The following IL1RAPL1 variants were observed in gnomAD, a reference collection of about 807,000 sequenced individuals.
IL1RAPL1 encodes interleukin-1 receptor accessory protein-like 1.
Under a neutral mutation model 48.4 loss-of-function variants are expected in IL1RAPL1, and 3 were observed. That is an observed-to-expected ratio of 0.06 (90% CI 0.03 to 0.16). The LOEUF is 0.16. Ranked by LOEUF, IL1RAPL1 falls within the 10% of genes least tolerant of loss-of-function variation. The pLI, the probability that IL1RAPL1 is intolerant of heterozygous loss-of-function variation, is 1.00. For missense variants in IL1RAPL1, 349 were observed against 530.6 expected (o/e 0.66, Z 3.36); for synonymous variants, 185 against 187.7 (o/e 0.99, Z 0.12).
chrX:29,434,429 C>T (rs1421557283), intron 5 of IL1RAPL1, among the ~76,000 whole-genome samples: 1 of 110,346 alleles, frequency 9.1e-6, no homozygotes, highest in Non-Finnish European at 1.9e-5. Flanking sequence ...TTAATATGAT[C>T]ATTGCTCTCG....
chrX:29,124,207 T>G (rs897879228), intron 2 of IL1RAPL1, among the ~76,000 whole-genome samples: 1 of 112,013 alleles, frequency 8.9e-6, no homozygotes, highest in Non-Finnish European at 1.9e-5. Context: ...AATGCTTGAG[T>G]CAATCCTTGG....
intron 3 of IL1RAPL1, among the ~76,000 whole-genome samples, chrX:29,350,191 T>TTATATATGTATATATATA (rs1203248525): frequency 7.6e-5 from 3 of 39,424 alleles, no homozygotes; most frequent in African/African-American, 5.2e-4. Context: ...TACTGTTATT[T>TTATATATGTATATATATA]TATATATATA....
chrX:28,617,700 G>C (rs1483459546), intron 1 of IL1RAPL1, among the ~76,000 whole-genome samples: 2 of 112,231 alleles, frequency 1.8e-5, no homozygotes, highest in Non-Finnish European at 3.8e-5. Flanking sequence ...AATGATTATA[G>C]GCACAGCCTT....
chrX:28,761,540 T>C (rs773436164), intron 1 of IL1RAPL1, among the ~76,000 whole-genome samples: 1 of 111,309 alleles, frequency 9.0e-6, no homozygotes, highest in South Asian at 3.8e-4. Flanking sequence ...AGCAAAACGT[T>C]GTGTATTTAT....
At chrX:28,851,810 G>T (rs941372660) in intron 2 of IL1RAPL1, among the ~76,000 whole-genome samples, 1 of 111,976 alleles carries the variant, frequency 8.9e-6, no homozygotes, top group African/African-American at 3.2e-5. Context: ...TCAACATATT[G>T]CTTTGTACTT....
intron 5 of IL1RAPL1, among the ~76,000 whole-genome samples, chrX:29,412,256 A>G (rs1443804762): frequency 9.1e-6 from 1 of 109,391 alleles, no homozygotes; most frequent in Non-Finnish European, 1.9e-5. Context: ...GGGCAACAGA[A>G]CAAGACTCCA....
intron 2 of IL1RAPL1, among the ~76,000 whole-genome samples, chrX:29,049,653 C>G (rs1927050096): frequency 8.9e-6 from 1 of 112,406 alleles, no homozygotes; most frequent in African/African-American, 3.2e-5. Flanking sequence ...CATAGTACTT[C>G]TGCTACTGAT....
intron 6 of IL1RAPL1, among the ~76,000 whole-genome samples, chrX:29,786,593 G>T (rs1448589004): frequency 9.0e-6 from 1 of 111,693 alleles, no homozygotes; most frequent in Non-Finnish European, 1.9e-5. Context: ...GCCTTAAAAA[G>T]ATCTCTTTTG....
At position 29,941,682 on chromosome X, in the gene IL1RAPL1, C is replaced by A. The variant is rs201215945; in HGVS notation, c.1089C>A (p.Gly363=). The A allele has an allele frequency of 1.7e-6, 2 of 1,209,806 alleles. No homozygotes were observed. The highest frequency in any genetic ancestry group is 1.8e-5 in the South Asian group (1 of 56,946). The change falls in exon 9 of 11, where the codon GGC becomes GGA. Residue 363 remains glycine (G), a synonymous_variant. Transcript: ENST00000378993. ...ELMYTVELAG[G]LGAILLLLVC... ...TGTACACAGTGGAACTTGCTGGAGGCCTTGGTGCTATACTCTTGCTGCTTG... is the reference window on the plus strand; with the variant it reads ...TGTACACAGTGGAACTTGCTGGAGGACTTGGTGCTATACTCTTGCTGCTTG...
chrX:29,428,037 A>G lies in IL1RAPL1; in HGVS notation c.703+28729A>G, dbSNP rs747148762. ...GTTAGCTTGTGAGTTTAGAAGCACA[A>G]TGGAGTCACCTATGTTAGATTTATT... On this transcript the variant is annotated intron_variant, in intron 5 of 10. Transcript: ENST00000378993. Among the ~76,000 whole-genome samples, 4 of 112,326 alleles carry G rather than the reference A, an allele frequency of 3.6e-5. No individual in the cohort carries two copies. The South Asian group carries it at 1.5e-3, about 42-fold the overall frequency.
At chrX:29,560,739 CT>C (rs1328494068) in intron 5 of IL1RAPL1, among the ~76,000 whole-genome samples, 1 of 111,671 alleles carries the variant, frequency 9.0e-6, no homozygotes, top group Admixed American at 9.5e-5. Context: ...ATTCATTGAA[CT>C]TTTTTTGTGA....
chrX:28,704,411 AAAACACAC>A (rs1245970256), intron 1 of IL1RAPL1, among the ~76,000 whole-genome samples: 9 of 81,273 alleles, frequency 1.1e-4, no homozygotes, highest in Non-Finnish European at 1.6e-4. Flanking sequence ...TAATTCATTT[AAAACACAC>A]AAACACACAC....
chrX:29,005,014 C>T (rs1161722858), intron 2 of IL1RAPL1, among the ~76,000 whole-genome samples: 1 of 111,727 alleles, frequency 9.0e-6, no homozygotes, highest in African/African-American at 3.3e-5. Flanking sequence ...AAGGGTATAG[C>T]AAATAGAGCT....
chrX:29,811,816 A>G (rs1930386704), intron 6 of IL1RAPL1, among the ~76,000 whole-genome samples: 1 of 112,295 alleles, frequency 8.9e-6, no homozygotes, highest in Non-Finnish European at 1.9e-5. Context: ...AACATTGGAC[A>G]CATAGATAAC....
At chrX:28,615,214 T>TTTTTTG in intron 1 of IL1RAPL1, among the ~76,000 whole-genome samples, 1 of 58,963 alleles carries the variant, frequency 1.7e-5, no homozygotes, top group South Asian at 8.6e-4. Flanking sequence ...TTTTTTTTTT[T>TTTTTTG]TTTTTTTTTT....
At chrX:28,721,243 T>A (rs1211628596) in intron 1 of IL1RAPL1, among the ~76,000 whole-genome samples, 3 of 111,989 alleles carry the variant, frequency 2.7e-5, no homozygotes, top group South Asian at 3.7e-4. Flanking sequence ...CTCCACATCC[T>A]CTCCAGCACC....
intron 1 of IL1RAPL1, among the ~76,000 whole-genome samples, chrX:28,757,901 T>A (rs997049120): frequency 8.9e-6 from 1 of 112,155 alleles, no homozygotes; most frequent in Non-Finnish European, 1.9e-5. Flanking sequence ...ACAACCCATT[T>A]ACTTTTCACT....
intron 5 of IL1RAPL1, among the ~76,000 whole-genome samples, chrX:29,654,823 T>C (rs1925625529): frequency 1.8e-5 from 2 of 112,387 alleles, no homozygotes; most frequent in Admixed American, 1.9e-4. Flanking sequence ...TCCTATATTT[T>C]ATGCAAATAC....
At chrX:29,697,891 G>A in intron 6 of IL1RAPL1, among the ~76,000 whole-genome samples, 1 of 111,667 alleles carries the variant, frequency 9.0e-6, no homozygotes, top group East Asian at 2.8e-4. Flanking sequence ...TGATTAATTT[G>A]GCCCAAAGCA....
Sources: allele counts gnomAD v4.1 joint callset (sites outside exome capture counted in the v4.1 genomes callset), GRCh38; gene constraint gnomAD v4.1.1; transcripts MANE v1.5; gene names NCBI Gene and HGNC (gene_info 2026-07-23, HGNC 2026-07-21).